Variants in ADAMTS17 observed in about 807,000 individuals in gnomAD.
ADAMTS17 encodes A disintegrin and metalloproteinase with thrombospondin motifs 17.
Under a neutral mutation model 141.5 loss-of-function variants are expected in ADAMTS17, and 113 were observed. That is an observed-to-expected ratio of 0.80 (90% CI 0.69 to 0.93). ADAMTS17 has a LOEUF of 0.93. ADAMTS17 is among the 40% of genes least tolerant of loss of function. The pLI, the probability that ADAMTS17 is intolerant of heterozygous loss-of-function variation, is 0.00. For missense variants in ADAMTS17, 1,659 were observed against 1,517.9 expected (o/e 1.09, Z -1.54); for synonymous variants, 768 against 630.6 (o/e 1.22, Z -3.27).
chr15:100,024,195 C>A (rs959908298), intron 18 of ADAMTS17, among the ~76,000 whole-genome samples: 2 of 152,148 alleles, frequency 1.3e-5, no homozygotes, highest in African/African-American at 4.8e-5. Flanking sequence ...TGGGCTCAAG[C>A]AATTCTCCTG....
At chr15:100,089,360 T>C (rs2035305031) in intron 15 of ADAMTS17, among the ~76,000 whole-genome samples, 2 of 141,480 alleles carry the variant, frequency 1.4e-5, no homozygotes, top group Admixed American at 7.1e-5. Context: ...TGTGGAGAAA[T>C]AGAACACTTT....
At chr15:100,104,807 C>A (rs1387941056) in intron 14 of ADAMTS17, among the ~76,000 whole-genome samples, 3 of 152,320 alleles carry the variant, frequency 2.0e-5, no homozygotes, top group Middle Eastern at 3.4e-3. Context: ...TTAACCATTT[C>A]TTTCTTGCTA....
chr15:100,221,233 G>T (rs1017813933), intron 7 of ADAMTS17, among the ~76,000 whole-genome samples: 1 of 151,280 alleles, frequency 6.6e-6, no homozygotes, highest in Non-Finnish European at 1.5e-5. Context: ...ACAAAAATAT[G>T]CTGGAAATGT....
chr15:100,109,246 C>T (rs1330694874), intron 13 of ADAMTS17, 130 bp from the exon 14 acceptor site: 8 of 690,608 alleles, frequency 1.2e-5, no homozygotes, highest in Middle Eastern at 6.7e-4. Flanking sequence ...GGTGCATGAG[C>T]TCAGGTACGC....
chr15:100,276,799 AG>A (rs972884525), intron 4 of ADAMTS17, among the ~76,000 whole-genome samples: 1 of 152,124 alleles, frequency 6.6e-6, no homozygotes, highest in African/African-American at 2.4e-5. Context: ...CCCGGCTTAA[AG>A]GTTATCTCAC....
chr15:100,294,614 C>A (rs780550511), intron 3 of ADAMTS17, among the ~76,000 whole-genome samples: 1 of 151,638 alleles, frequency 6.6e-6, no homozygotes, highest in Non-Finnish European at 1.5e-5. Context: ...AGGCTGAGGT[C>A]GGAGGATCAC....
chr15:100,299,291 G>GGTGTGT (rs143984112), intron 3 of ADAMTS17, among the ~76,000 whole-genome samples: 2 of 150,600 alleles, frequency 1.3e-5, no homozygotes, highest in African/African-American at 4.9e-5. Context: ...CGGACGTCAG[G>GGTGTGT]GTGTGTGTGT....
intron 18 of ADAMTS17, among the ~76,000 whole-genome samples, chr15:100,041,327 A>G (rs1260758303): frequency 6.6e-6 from 1 of 152,252 alleles, no homozygotes; most frequent in African/African-American, 2.4e-5. Flanking sequence ...CATAAATACC[A>G]TAGGGAAATA....
At chr15:99,989,928 G>A (rs954133969) in intron 20 of ADAMTS17, among the ~76,000 whole-genome samples, 3 of 152,192 alleles carry the variant, frequency 2.0e-5, no homozygotes, top group African/African-American at 7.2e-5. Context: ...AACAGGCAGG[G>A]TCAGTGTTTA....
intron 7 of ADAMTS17, among the ~76,000 whole-genome samples, chr15:100,216,497 G>T (rs910797387): frequency 4.6e-5 from 7 of 152,160 alleles, no homozygotes; most frequent in Non-Finnish European, 8.8e-5. Context: ...CTTTATCTGC[G>T]CTGGGGGCCA....
In ADAMTS17 at chr15:100,173,152, C is replaced by G. The variant is rs188104554; in HGVS notation, c.1182-17832G>C. On this transcript the variant is annotated intron_variant, in intron 8 of 21. Transcript: ENST00000268070. ...GTGAGGAACTCTTGCACTATTTTAA[C>G]CCAGTACTCCATTTTTCTAAGATAG... Among the ~76,000 whole-genome samples, 419 of 152,286 alleles carry G rather than the reference C, an allele frequency of 2.8e-3. 2 individuals are homozygous for G. Among genetic ancestry groups the G allele is most frequent in the African/African-American group, 9.9e-3 (410 of 41,542 alleles).
intron 15 of ADAMTS17, among the ~76,000 whole-genome samples, chr15:100,067,847 T>C (rs369137202): frequency 1.3e-5 from 2 of 152,166 alleles, no homozygotes; most frequent in East Asian, 3.9e-4. Context: ...ACAGGTGATT[T>C]CTGCATTTCC....
intron 4 of ADAMTS17, among the ~76,000 whole-genome samples, chr15:100,267,381 T>C (rs879936634): frequency 4.6e-5 from 7 of 152,218 alleles, no homozygotes; most frequent in Non-Finnish European, 7.3e-5. Context: ...CATCTGCCAA[T>C]GGACACCTTG....
At chr15:100,144,188 AT>A (rs2038789562) in intron 10 of ADAMTS17, among the ~76,000 whole-genome samples, 1 of 152,224 alleles carries the variant, frequency 6.6e-6, no homozygotes, top group Non-Finnish European at 1.5e-5. Context: ...AACCACCATC[AT>A]TTTGAATTGG....
rs140930935 is a variant in ADAMTS17, at chr15:100,155,214, A to G, written c.1288T>C (p.Ser430Pro). The change falls in exon 9 of 22, where the codon TCC (serine) becomes CCC (proline). Residue 430 changes from serine to proline, a missense_variant. Coordinates refer to ENST00000268070, the MANE Select transcript of ADAMTS17 (RefSeq NM_139057.4). Reference sequence around the variant, plus strand: ...TTTTCAAGGTCATCTCGGCTGCAGGAGGACCAAGAGAGGTCACTTGGGTTC... The same window carrying G: ...TTTTCAAGGTCATCTCGGCTGCAGGGGGACCAAGAGAGGTCACTTGGGTTC... Reference protein sequence around the residue: ...GRNPSDLSWSSCSRDDLENFL... With the variant: ...GRNPSDLSWSPCSRDDLENFL... 1,399 of 1,614,098 alleles carry G rather than the reference A, an allele frequency of 8.7e-4. 2 individuals carry two copies. Among genetic ancestry groups the G allele is most frequent in the Non-Finnish European group, 1.1e-3 (1,324 of 1,180,050 alleles).
intron 18 of ADAMTS17, among the ~76,000 whole-genome samples, chr15:100,039,107 G>A (rs564760727): frequency 1.3e-5 from 2 of 152,236 alleles, no homozygotes; most frequent in East Asian, 1.9e-4. Context: ...TCCTGCTTTC[G>A]TTCTTTAATT....
intron 10 of ADAMTS17, among the ~76,000 whole-genome samples, chr15:100,151,463 C>A (rs941210418): frequency 6.6e-6 from 1 of 152,204 alleles, no homozygotes; most frequent in East Asian, 1.9e-4. Flanking sequence ...GGACCGCATT[C>A]TGGAGGCAGC....
chr15:100,230,743 G>T (rs2042454534), intron 7 of ADAMTS17, among the ~76,000 whole-genome samples: 1 of 152,146 alleles, frequency 6.6e-6, no homozygotes, highest in Admixed American at 6.5e-5. Flanking sequence ...CACCAATAGT[G>T]GGTAACGACA....
At chr15:100,170,506 A>C (rs536916817) in intron 8 of ADAMTS17, among the ~76,000 whole-genome samples, 2 of 152,342 alleles carry the variant, frequency 1.3e-5, no homozygotes, top group East Asian at 3.9e-4. Flanking sequence ...CCAGCCACAG[A>C]AACTTGAAAA....
Sources: gnomAD v4.1 joint callset for allele counts (sites outside exome capture counted in the v4.1 genomes callset) on GRCh38, gnomAD v4.1.1 for gene constraint, MANE v1.5 for transcripts, NCBI Gene and HGNC (gene_info 2026-07-23, HGNC 2026-07-21) for gene names.